The following TEX2 variants were observed in gnomAD, a reference collection of about 807,000 sequenced individuals.
TEX2 encodes testis expressed 2, also known as testis-expressed protein 2.
In TEX2, 53 loss-of-function variants were observed where a neutral mutation model predicts 106.9. That is an observed-to-expected ratio of 0.50 (90% confidence interval 0.40 to 0.62). The LOEUF (loss-of-function observed/expected upper bound fraction) is 0.62, where lower values mean the gene tolerates loss of function less well. TEX2 is among the 20% of genes least tolerant of loss of function. TEX2 has a pLI of 0.00. For missense variants in TEX2, 1,207 were observed against 1,379.0 expected, an observed-to-expected ratio of 0.88 and a Z score of 1.98; for synonymous variants, 523 against 534.8, an observed-to-expected ratio of 0.98 and a Z score of 0.30.
rs1195505237 is a variant in TEX2, at chr17:64,195,177, T to C, written c.1645-82A>G. The C allele has an allele frequency of 1.5e-6, 2 of 1,366,114 alleles. No individual in the cohort carries two copies. Among genetic ancestry groups the C allele is most frequent in the Non-Finnish European group, 2.1e-6 (2 of 974,762 alleles). 84.6% of individuals were successfully genotyped at this position (1,366,114 alleles called of 1,614,324 possible). On this transcript the variant is annotated intron_variant, in intron 2 of 11. Coordinates refer to ENST00000584379, the MANE Select transcript of TEX2 (RefSeq NM_001288732.2). This position sits in a 1 kb window ranked among gnomAD's most constrained non-coding sequence, Gnocchi z 4.1. ...GTGAAATGATGAACACTGTGGTATT[T>C]GGGACACTGAAACCAAACTTGATCA...
chr17:64,260,556 CT>C (rs2034271625), intron 1 of TEX2, among the ~76,000 whole-genome samples: 1 of 152,216 alleles, frequency 6.6e-6, no homozygotes, highest in Admixed American at 6.5e-5. Context: ...CAAGTTACTA[CT>C]TTGCTCTGAG....
At chr17:64,193,353 T>G (rs190088426) in intron 4 of TEX2, among the ~76,000 whole-genome samples, 29 of 152,310 alleles carry the variant, frequency 1.9e-4, no homozygotes, top group African/African-American at 7.0e-4. Flanking sequence ...TGCAAATGGA[T>G]CCATCATTGG....
chr17:64,158,372 A>G (rs1051783442), intron 8 of TEX2, among the ~76,000 whole-genome samples: 3 of 152,264 alleles, frequency 2.0e-5, no homozygotes, highest in Non-Finnish European at 4.4e-5. Context: ...CCTGCCAGGC[A>G]GGACACCAGG....
At position 64,219,515 on chromosome 17, in the gene TEX2, A is replaced by C. The variant is rs554660835; in HGVS notation, c.-25-5273T>G. ...AGTGAGACTCCATCTCATCAAATAA[A>C]ATAAAATAAAATAAAATAAAATAAA... is the stretch of plus-strand genomic sequence containing the variant. On this transcript the variant is annotated intron_variant, in intron 1 of 11. Transcript: ENST00000584379. Among the ~76,000 whole-genome samples, 250 of 139,116 alleles carry C rather than the reference A, an allele frequency of 1.8e-3. 2 individuals carry two copies. Among genetic ancestry groups the C allele is most frequent in the African/African-American group, 6.6e-3 (219 of 33,350 alleles). 91.3% of individuals were successfully genotyped at this position (139,116 alleles called of 152,430 possible).
intron 1 of TEX2, among the ~76,000 whole-genome samples, chr17:64,258,863 G>A (rs1216499415): frequency 2.0e-5 from 3 of 151,548 alleles, no homozygotes; most frequent in Non-Finnish European, 4.4e-5. Context: ...AGGTTCAAGC[G>A]ATTCTCCTGA....
At chr17:64,252,758 T>A (rs562432851) in intron 1 of TEX2, among the ~76,000 whole-genome samples, 3 of 152,190 alleles carry the variant, frequency 2.0e-5, no homozygotes, top group African/African-American at 7.2e-5. Flanking sequence ...ACTGGGTATA[T>A]AACGCGGAGC....
In TEX2 at chr17:64,213,538, CG is replaced by C. The variant is rs782509688; in HGVS notation, c.679del (p.Arg227GlyfsTer16). On this transcript the variant is annotated frameshift_variant, in exon 2 of 12. Coordinates refer to ENST00000584379, the MANE Select transcript of TEX2 (RefSeq NM_001288732.2). LOFTEE classifies it high-confidence loss of function. The surrounding 1 kb of genome is among the most constrained non-coding windows in gnomAD (Gnocchi z 4.4). ...LVKSLSTDTS[R>X]QESDTVSYKP... ...ATAGGACACTGTATCCGACTCCTGC[CG>C]GGAAGTGTCCGTGGACAGAGACTTG... The C allele has an allele frequency of 1.2e-6, 2 of 1,613,918 alleles. No homozygotes were observed. Among genetic ancestry groups the C allele is most frequent in the Non-Finnish European group, 1.7e-6 (2 of 1,179,978 alleles).
intron 5 of TEX2, among the ~76,000 whole-genome samples, chr17:64,179,452 A>ACG (rs2031755720): frequency 6.6e-6 from 1 of 151,948 alleles, no homozygotes; most frequent in Admixed American, 6.5e-5. Flanking sequence ...GTGCCCTTAC[A>ACG]CAGTGTGGAA....
At chr17:64,259,636 T>G (rs2034253060) in intron 1 of TEX2, among the ~76,000 whole-genome samples, 2 of 152,238 alleles carry the variant, frequency 1.3e-5, no homozygotes. Flanking sequence ...CATGGATTAT[T>G]GCCTAGGCGT....
chr17:64,171,026 C>A (rs12941171), intron 7 of TEX2, 74 bp downstream of exon 7: 1 of 1,233,518 alleles, frequency 8.1e-7, no homozygotes, highest in Non-Finnish European at 1.2e-6. Flanking sequence ...CCTCCAAACA[C>A]AAAGCCATCA....
intron 1 of TEX2, among the ~76,000 whole-genome samples, chr17:64,250,840 C>A (rs944939469): frequency 6.6e-6 from 1 of 152,076 alleles, no homozygotes; most frequent in Admixed American, 6.5e-5. Context: ...TGTCACCATG[C>A]CCAGCTAATT....
intron 1 of TEX2, among the ~76,000 whole-genome samples, chr17:64,229,874 A>G (rs1369409664): frequency 1.3e-5 from 2 of 152,300 alleles, no homozygotes; most frequent in African/African-American, 2.4e-5. Flanking sequence ...CAGCTTCTCA[A>G]TGTGAGGAAC....
At chr17:64,164,725 G>A (rs2031047868) in intron 7 of TEX2, among the ~76,000 whole-genome samples, 1 of 152,172 alleles carries the variant, frequency 6.6e-6, no homozygotes, top group Admixed American at 6.5e-5. Context: ...AATAAAAGTG[G>A]CCTAGGCCAG....
Position 64,229,892 on chromosome 17 carries a change from A to G in TEX2, c.-25-15650T>C, listed in dbSNP as rs78271492. On this transcript the variant is annotated intron_variant, in intron 1 of 11. Coordinates refer to ENST00000584379, the MANE Select transcript of TEX2 (RefSeq NM_001288732.2). ...CTTCTCAATGTGAGGAACGTATTTC[A>G]GATTAATTCTTCAAAAACTGAAAAA... is the stretch of plus-strand genomic sequence containing the variant. 8.5e-5 allele frequency among the ~76,000 whole-genome samples: 13 copies of G among 152,310 alleles called. No individual in the cohort carries two copies. In the East Asian group the frequency reaches 2.5e-3, roughly 29 times the overall value.
intron 3 of TEX2, 128 bp downstream of exon 3, chr17:64,194,767 T>TGTC: frequency 1.3e-6 from 1 of 773,174 alleles, no homozygotes; most frequent in Admixed American, 2.6e-5. Context: ...TGAGAGGTAC[T>TGTC]GTCCCCTAAG....
intron 7 of TEX2, among the ~76,000 whole-genome samples, chr17:64,164,062 T>A (rs1598125412): frequency 6.6e-6 from 1 of 152,224 alleles, no homozygotes; most frequent in South Asian, 2.1e-4. Flanking sequence ...GAGGCACGCA[T>A]ACGAAGGGTC....
intron 4 of TEX2, among the ~76,000 whole-genome samples, chr17:64,193,111 C>T (rs868336445): frequency 1.3e-5 from 2 of 152,152 alleles, no homozygotes; most frequent in Admixed American, 6.5e-5. Context: ...GTTATCAATC[C>T]GAATGACCAC....
intron 1 of TEX2, among the ~76,000 whole-genome samples, chr17:64,253,642 G>T (rs2034133568): frequency 6.6e-6 from 1 of 152,116 alleles, no homozygotes; most frequent in East Asian, 1.9e-4. Flanking sequence ...AACCATCCAA[G>T]AGTCGTTTAT....
chr17:64,243,869 T>C (rs1487398177), intron 1 of TEX2, among the ~76,000 whole-genome samples: 1 of 148,978 alleles, frequency 6.7e-6, no homozygotes, highest in Non-Finnish European at 1.5e-5. Flanking sequence ...AGTGCAGTGG[T>C]GGGATCTCGG....
Sources: gnomAD v4.1 joint callset for allele counts (sites outside exome capture counted in the v4.1 genomes callset) on GRCh38, gnomAD v4.1.1 for gene constraint, Gnocchi (gnomAD v3.1) non-coding constraint, MANE v1.5 for transcripts, NCBI Gene and HGNC (gene_info 2026-07-23, HGNC 2026-07-21) for gene names.